Variants in AGAP1 observed in about 807,000 individuals in gnomAD.
The protein encoded by AGAP1 is arf-GAP with GTPase, ANK repeat and PH domain-containing protein 1.
AGAP1 carries 29 observed loss-of-function variants against 105.3 expected under a neutral mutation model. The observed-to-expected ratio is 0.28, with a 90% CI of 0.21 to 0.38. The LOEUF (loss-of-function observed/expected upper bound fraction) is 0.38. AGAP1 is among the 10% of genes least tolerant of loss of function. AGAP1 has a pLI of 1.00. For synonymous variants in AGAP1, 509 were observed against 485.9 expected, an observed-to-expected ratio of 1.05 and a Z score of -0.63; for missense variants, 998 against 1,165.1, an observed-to-expected ratio of 0.86 and a Z score of 2.09.
At chr2:235,938,802 A>T (rs2053112669) in intron 12 of AGAP1, among the ~76,000 whole-genome samples, 3 of 152,126 alleles carry the variant, frequency 2.0e-5, no homozygotes, top group Non-Finnish European at 4.4e-5. Flanking sequence ...CCTGAAACCC[A>T]CAACACCTAG....
At position 235,495,457 on chromosome 2, in the gene AGAP1, C is replaced by A. The variant is rs180742801; in HGVS notation, c.163+608C>A. On this transcript the variant is annotated intron_variant, in intron 1 of 17. Coordinates refer to ENST00000304032, the MANE Select transcript of AGAP1 (RefSeq NM_001037131.3). ...AGTGTGCTTTGTACCAACCAAAAGT[C>A]CGGGGTTGGATTAGAGGAAGAACCC... 2.0e-5 allele frequency among the ~76,000 whole-genome samples: 3 copies of A among 152,318 alleles called. No homozygotes were observed. In the East Asian group the frequency reaches 5.8e-4, roughly 30 times the overall value.
At chr2:235,527,005 A>G (rs1257192808) in intron 1 of AGAP1, among the ~76,000 whole-genome samples, 1 of 152,210 alleles carries the variant, frequency 6.6e-6, no homozygotes, top group Non-Finnish European at 1.5e-5. Context: ...TCTGAGATGG[A>G]AACACTGGCA....
intron 1 of AGAP1, among the ~76,000 whole-genome samples, chr2:235,605,148 G>T (rs1006101676): frequency 6.6e-6 from 1 of 152,216 alleles, no homozygotes; most frequent in African/African-American, 2.4e-5. Flanking sequence ...AAAGTGCTGG[G>T]ACTACAGGCA....
chr2:235,751,142 C>T lies in AGAP1; in HGVS notation c.673+654C>T, dbSNP rs545149881. ...ACTTGTGGATGATCATAGCGCCAGACGTCGTCTATGAGAGAGGAGCCTGTG... is the reference window on the plus strand; with the variant it reads ...ACTTGTGGATGATCATAGCGCCAGATGTCGTCTATGAGAGAGGAGCCTGTG... On this transcript the variant is annotated intron_variant, in intron 6 of 17. Transcript: ENST00000304032. This position sits in a 1 kb window ranked among gnomAD's most constrained non-coding sequence, Gnocchi z 5.3. 2.4e-4 allele frequency among the ~76,000 whole-genome samples: 37 copies of T among 152,108 alleles called. No homozygotes were observed. The Middle Eastern group carries it at 0.01, about 42-fold the overall frequency.
At position 236,123,254 on chromosome 2, in the gene AGAP1, G is replaced by GT. The variant is rs2059943264; in HGVS notation, c.2371-658dup. Among the ~76,000 whole-genome samples, 1 of 152,036 alleles carries GT rather than the reference G, an allele frequency of 6.6e-6. No individual in the cohort carries two copies. Among genetic ancestry groups the GT allele is most frequent in the African/African-American group, 2.4e-5 (1 of 41,382 alleles). On this transcript the variant is annotated intron_variant, in intron 17 of 17. Coordinates refer to ENST00000304032, the MANE Select transcript of AGAP1 (RefSeq NM_001037131.3). The surrounding 1 kb of genome is among the most constrained non-coding windows in gnomAD (Gnocchi z 4.6). ...TGCCCAGCTAATTTTTTTAAAATGT[G>GT]TTTTTTTCTAGAGACAGGGTCTCCC... is the stretch of plus-strand genomic sequence containing the variant.
chr2:235,607,431 C>T (rs1945981520), intron 1 of AGAP1, among the ~76,000 whole-genome samples: 1 of 152,230 alleles, frequency 6.6e-6, no homozygotes, highest in African/African-American at 2.4e-5. Flanking sequence ...TAGGGCTCCC[C>T]ACAGCAACAA....
chr2:235,809,118 G>A (rs941728477), intron 9 of AGAP1, among the ~76,000 whole-genome samples: 1 of 151,936 alleles, frequency 6.6e-6, no homozygotes, highest in Non-Finnish European at 1.5e-5. Flanking sequence ...ATTTGGGTGG[G>A]AGCGCTCACC....
rs2056209342 is a variant in AGAP1 at position 236,003,545 on chromosome 2, C to T, written c.1646-33016C>T. ...CCATGGCCCAGAGCCCAGAGTCACCCGCAGCCCCCCTGCGCTGCTGCTGCC... is the reference window on the plus strand; with the variant it reads ...CCATGGCCCAGAGCCCAGAGTCACCTGCAGCCCCCCTGCGCTGCTGCTGCC... On this transcript the variant is annotated intron_variant, in intron 13 of 17. Transcript: ENST00000304032. This position sits in a 1 kb window ranked among gnomAD's most constrained non-coding sequence, Gnocchi z 4.2. Among the ~76,000 whole-genome samples the T allele has an allele frequency of 6.6e-6, 1 of 152,206 alleles. No homozygotes were observed. The highest frequency in any genetic ancestry group is 2.1e-4 in the South Asian group (1 of 4,834).
In AGAP1 at chr2:235,953,771, A is replaced by C. The variant is rs2125276843; in HGVS notation, c.1484-14691A>C. Among the ~76,000 whole-genome samples, 1 of 152,096 alleles carries C rather than the reference A, an allele frequency of 6.6e-6. No individual in the cohort carries two copies. The highest frequency in any genetic ancestry group is 2.1e-4 in the South Asian group (1 of 4,812). ...ATAGTGAGACCCCATCTCTACAAAG[A>C]AATTATCAGGGCATGGTGGGTCATA... On this transcript the variant is annotated intron_variant, in intron 12 of 17. Transcript: ENST00000304032. This position sits in a 1 kb window ranked among gnomAD's most constrained non-coding sequence, Gnocchi z 5.2.
chr2:235,692,928 G>A lies in AGAP1; in HGVS notation c.164-16251G>A, dbSNP rs1949806545. Among the ~76,000 whole-genome samples the A allele has an allele frequency of 6.6e-6, 1 of 152,168 alleles. No homozygotes were observed. Among genetic ancestry groups the A allele is most frequent in the Admixed American group, 6.5e-5 (1 of 15,284 alleles). On this transcript the variant is annotated intron_variant, in intron 1 of 17. Coordinates refer to ENST00000304032, the MANE Select transcript of AGAP1 (RefSeq NM_001037131.3). The surrounding 1 kb of genome is among the most constrained non-coding windows in gnomAD (Gnocchi z 5.8). The stretch of plus-strand genomic sequence containing the variant: ...CAGTGAGCAGGACCTGTTGCTGTCG[G>A]TGGTGGCATCAGTGGAGTTGGCAGG...
intron 1 of AGAP1, among the ~76,000 whole-genome samples, chr2:235,508,309 A>G (rs1941921260): frequency 1.3e-5 from 2 of 152,228 alleles, no homozygotes; most frequent in South Asian, 2.1e-4. Context: ...GTGTGTACCA[A>G]GTAATGCCAC....
At chr2:235,634,299 A>G (rs575779332) in intron 1 of AGAP1, among the ~76,000 whole-genome samples, 14 of 152,322 alleles carry the variant, frequency 9.2e-5, no homozygotes, top group Non-Finnish European at 1.9e-4. Flanking sequence ...TGTGTATTTC[A>G]TCGACACATC....
chr2:235,527,816 T>G (rs1209111973), intron 1 of AGAP1, among the ~76,000 whole-genome samples: 1 of 152,254 alleles, frequency 6.6e-6, no homozygotes. Flanking sequence ...ATTACAGATG[T>G]GCTTTACCTG....
intron 1 of AGAP1, among the ~76,000 whole-genome samples, chr2:235,585,199 G>A (rs752607250): frequency 5.3e-5 from 8 of 152,162 alleles, no homozygotes; most frequent in Non-Finnish European, 1.0e-4. Context: ...AAGCTCAGAA[G>A]CTCCAAATGG....
At chr2:235,881,159 T>C (rs2050003428) in intron 9 of AGAP1, among the ~76,000 whole-genome samples, 1 of 152,246 alleles carries the variant, frequency 6.6e-6, no homozygotes, top group Admixed American at 6.5e-5. Flanking sequence ...TCATACTTTA[T>C]TAAGTTTGTG....
intron 13 of AGAP1, among the ~76,000 whole-genome samples, chr2:235,997,801 G>A (rs903065303): frequency 2.6e-5 from 4 of 152,050 alleles, no homozygotes; most frequent in Non-Finnish European, 4.4e-5. Flanking sequence ...TTGTATAGTA[G>A]CTCAGTCCCT....
At chr2:236,034,422 G>A (rs1035852409) in intron 13 of AGAP1, among the ~76,000 whole-genome samples, 1 of 152,016 alleles carries the variant, frequency 6.6e-6, no homozygotes, top group Non-Finnish European at 1.5e-5. Flanking sequence ...ACAGCAGGTG[G>A]AGTGTTTCAT....
chr2:235,790,253 T>G (rs938552271), intron 6 of AGAP1, among the ~76,000 whole-genome samples: 1 of 152,212 alleles, frequency 6.6e-6, no homozygotes, highest in African/African-American at 2.4e-5. Flanking sequence ...TATCACCTTA[T>G]CAGAACTCAT....
intron 13 of AGAP1, among the ~76,000 whole-genome samples, chr2:236,024,034 GT>G (rs1164008066): frequency 1.9e-4 from 25 of 129,116 alleles, no homozygotes; most frequent in African/African-American, 3.7e-4. Flanking sequence ...TTTTTTTTTT[GT>G]TTTTTTTTTT....
Sources: gnomAD v4.1 joint callset for allele counts (sites outside exome capture counted in the v4.1 genomes callset) on GRCh38, gnomAD v4.1.1 for gene constraint, Gnocchi (gnomAD v3.1) non-coding constraint, MANE v1.5 for transcripts, NCBI Gene and HGNC (gene_info 2026-07-23, HGNC 2026-07-21) for gene names.